The following CHAF1A variants were observed in gnomAD, a reference collection of about 807,000 sequenced individuals.
CHAF1A encodes CAF-1 subunit A.
In CHAF1A, 5 loss-of-function variants were observed where a neutral mutation model predicts 93.2. The ratio of observed to expected loss-of-function variants is 0.05; its 90% CI spans 0.03 to 0.11. The LOEUF (loss-of-function observed/expected upper bound fraction) is 0.11, where lower values mean the gene tolerates loss of function less well. Among genes scored for constraint, CHAF1A ranks in the 10% least tolerant of loss-of-function variants. The pLI is 1.00. For missense variants in CHAF1A, 1,102 were observed against 1,259.9 expected, an observed-to-expected ratio of 0.87 and a Z score of 1.90; for synonymous variants, 504 against 510.3, an observed-to-expected ratio of 0.99 and a Z score of 0.17.
intron 14 of CHAF1A, 90 bp downstream of exon 14, chr19:4,442,431 A>G: frequency 1.8e-6 from 2 of 1,084,410 alleles, no homozygotes; most frequent in Non-Finnish European, 2.7e-6. Context: ...GCCTAAGACT[A>G]GCTCCACTGT....
chr19:4,428,804 C>G lies in CHAF1A; in HGVS notation c.1518C>G (p.Phe506Leu). The G allele has an allele frequency of 6.2e-7, 1 of 1,614,114 alleles. No individual in the cohort carries two copies. The highest frequency in any genetic ancestry group is 8.5e-7 in the Non-Finnish European group (1 of 1,180,026). ...DQLLQQQSGE[F>L]SFLKDLKGRQ... Reference sequence around the variant, plus strand: ...TCCTCCAGCAGCAGAGCGGCGAGTTCTCCTTCTTGAAAGACCTCAAAGGCC... The same window carrying G: ...TCCTCCAGCAGCAGAGCGGCGAGTTGTCCTTCTTGAAAGACCTCAAAGGCC... Residue 506 changes from phenylalanine to leucine, a missense_variant, in exon 8 of 15, where the codon TTC (phenylalanine) becomes TTG (leucine). Physicochemically the swap from Phe to Leu is conservative, Grantham distance 22. This residue lies in a region of CHAF1A where 165 missense variants were observed against 243.9 expected (regional missense o/e 0.68). Transcript: ENST00000301280.
At chr19:4,414,920 C>T (rs372367294) in intron 3 of CHAF1A, among the ~76,000 whole-genome samples, 1 of 152,136 alleles carries the variant, frequency 6.6e-6, no homozygotes, top group South Asian at 2.1e-4. Context: ...CAGGTTTTAG[C>T]GGCTTATCTG....
At chr19:4,405,279 A>G (rs1973659016) in intron 1 of CHAF1A, among the ~76,000 whole-genome samples, 1 of 152,202 alleles carries the variant, frequency 6.6e-6, no homozygotes, top group African/African-American at 2.4e-5. Flanking sequence ...TAAATGCCAC[A>G]AAGAAAATAA....
At chr19:4,407,337 T>C (rs1426381638) in intron 2 of CHAF1A, among the ~76,000 whole-genome samples, 1 of 152,074 alleles carries the variant, frequency 6.6e-6, no homozygotes, top group Non-Finnish European at 1.5e-5. Context: ...CATAGGTTCT[T>C]TGGGAAATTC....
intron 4 of CHAF1A, among the ~76,000 whole-genome samples, chr19:4,420,771 A>G (rs772808936): frequency 2.6e-5 from 4 of 152,052 alleles, no homozygotes; most frequent in Non-Finnish European, 5.9e-5. Flanking sequence ...TGTCTCTACT[A>G]AAAAGAAAAA....
intron 3 of CHAF1A, among the ~76,000 whole-genome samples, chr19:4,414,820 G>A (rs180890106): frequency 9.8e-5 from 15 of 152,286 alleles, no homozygotes; most frequent in South Asian, 2.1e-4. Context: ...AAGGCAATGC[G>A]TGCGTTCTTA....
chr19:4,439,220 C>T (rs1454144605), intron 13 of CHAF1A, among the ~76,000 whole-genome samples: 6 of 145,530 alleles, frequency 4.1e-5, no homozygotes, highest in Non-Finnish European at 9.0e-5. Flanking sequence ...GTGGAGGTTG[C>T]AGTTGAGCCG....
intron 1 of CHAF1A, among the ~76,000 whole-genome samples, chr19:4,405,660 G>A (rs1973667819): frequency 6.6e-6 from 1 of 151,348 alleles, no homozygotes; most frequent in Non-Finnish European, 1.5e-5. Context: ...CTTCATTGTG[G>A]TGTGCTGTGC....
At chr19:4,411,997 C>T (rs1248202887) in intron 3 of CHAF1A, among the ~76,000 whole-genome samples, 2 of 152,028 alleles carry the variant, frequency 1.3e-5, no homozygotes, top group Non-Finnish European at 2.9e-5. Flanking sequence ...AAACTCTTGT[C>T]GTGGGGGTTT....
At chr19:4,447,779 C>A, downstream of CHAF1A, 1 of 724,642 alleles carries the variant, frequency 1.4e-6, no homozygotes. Flanking sequence ...AGACCATCTC[C>A]GGGTGGAAGG....
At chr19:4,409,815 G>A (rs1273893164) in intron 3 of CHAF1A, 56 bp downstream of exon 3, 2 of 1,540,442 alleles carry the variant, frequency 1.3e-6, no homozygotes, top group African/African-American at 1.4e-5. Flanking sequence ...TCAGAGCGCT[G>A]TCAGTCTCCA....
At chr19:4,429,815 C>T in intron 10 of CHAF1A, 27 bp downstream of exon 10, 2 of 1,583,696 alleles carry the variant, frequency 1.3e-6, no homozygotes, top group South Asian at 1.1e-5. Context: ...GCTGTCTTCA[C>T]TCACAGACGG....
At chr19:4,416,051 A>G (rs980006321) in intron 3 of CHAF1A, among the ~76,000 whole-genome samples, 1 of 152,144 alleles carries the variant, frequency 6.6e-6, no homozygotes, top group Non-Finnish European at 1.5e-5. Flanking sequence ...GTGGGCACCT[A>G]TAGTCCCAGC....
downstream of CHAF1A, chr19:4,445,884 G>A (rs923686264): frequency 4.4e-5 from 53 of 1,212,294 alleles, no homozygotes; most frequent in Non-Finnish European, 5.3e-5. Context: ...GAACTTGCTC[G>A]AGGCCCTGCT....
rs929921613 is a variant in CHAF1A at position 4,404,135 on chromosome 19, T to TA, written c.52+1332dup. On this transcript the variant is annotated intron_variant, in intron 1 of 14. Coordinates refer to ENST00000301280, the MANE Select transcript of CHAF1A (RefSeq NM_005483.3). ...CATGCCTGGCCAGGATATTTAACTT[T>TA]AAAAAAAAAAATCGCTACTCGCTAG... Among the ~76,000 whole-genome samples the TA allele has an allele frequency of 2.0e-3, 298 of 148,630 alleles. 1 individual carries two copies. The highest frequency in any genetic ancestry group is 6.3e-3 in the African/African-American group (255 of 40,666).
intron 4 of CHAF1A, among the ~76,000 whole-genome samples, chr19:4,421,216 T>C (rs562798892): frequency 1.1e-4 from 17 of 152,050 alleles, no homozygotes; most frequent in African/African-American, 3.1e-4. Flanking sequence ...GGACTATAGG[T>C]GTGCGCCACC....
chr19:4,437,426 C>T (rs906761170), intron 13 of CHAF1A, among the ~76,000 whole-genome samples: 3 of 152,084 alleles, frequency 2.0e-5, no homozygotes, highest in East Asian at 1.9e-4. Context: ...CACAGCTCAC[C>T]GCAGCCTCCA....
intron 6 of CHAF1A, among the ~76,000 whole-genome samples, 198 bp downstream of exon 6, chr19:4,423,593 T>C (rs2145108357): frequency 6.6e-6 from 1 of 152,348 alleles, no homozygotes; most frequent in East Asian, 1.9e-4. Context: ...CTACTGGCCC[T>C]GCAATCCTGG....
chr19:4,408,059 A>G (rs424682), intron 2 of CHAF1A, among the ~76,000 whole-genome samples: 148,520 of 151,118 alleles, frequency 0.98, 72,995 homozygotes, highest in African/African-American at 0.99. Context: ...CAGGCTGCAG[A>G]GTAGTTGCAC....
Sources: gnomAD v4.1 joint callset for allele counts (sites outside exome capture counted in the v4.1 genomes callset) on GRCh38, gnomAD v4.1.1 for gene constraint, gnomAD v4.1.1 regional missense constraint, MANE v1.5 for transcripts, NCBI Gene and HGNC (gene_info 2026-07-23, HGNC 2026-07-21) for gene names.